TRIM8: variants seen among roughly 807,000 people sequenced by gnomAD.
TRIM8 encodes the protein tripartite motif containing 8.
In TRIM8, 9 loss-of-function variants were observed where a neutral mutation model predicts 55.7. The ratio of observed to expected loss-of-function variants is 0.16; its 90% CI spans 0.10 to 0.28. The LOEUF (loss-of-function observed/expected upper bound fraction) is 0.28. TRIM8 is among the 10% of genes least tolerant of loss of function. The probability of loss-of-function intolerance (pLI) is 1.00; values close to 1 mark genes in which losing one functional copy is unlikely to be tolerated. For missense variants in TRIM8, 556 were observed against 736.4 expected (o/e 0.76, Z 2.83); for synonymous variants, 335 against 333.3 (o/e 1.01, Z -0.06).
In TRIM8 at chr10:102,656,501, C is replaced by T. The variant is rs1260753165; in HGVS notation, c.1048+116C>T. On this transcript the variant is annotated intron_variant, in intron 5 of 5. Transcript: ENST00000643721. The surrounding 1 kb of genome is among the most constrained non-coding windows in gnomAD (Gnocchi z 4.6). ...AGTCTGGGAGACCTGTCCTCATATC[C>T]AGGCTTTGCCACTTGTAGCTGTGGG... The T allele has an allele frequency of 6.2e-6, 9 of 1,452,712 alleles. No homozygotes were observed. Among genetic ancestry groups the T allele is most frequent in the Non-Finnish European group, 8.3e-6 (9 of 1,087,674 alleles). 90.0% of individuals were successfully genotyped at this position (1,452,712 alleles called of 1,614,324 possible).
Position 102,656,535 on chromosome 10 carries a change from T to G in TRIM8, c.1048+150T>G, listed in dbSNP as rs2064026637. On this transcript the variant is annotated intron_variant, in intron 5 of 5. Coordinates refer to ENST00000643721, the MANE Select transcript of TRIM8 (RefSeq NM_030912.3). This position sits in a 1 kb window ranked among gnomAD's most constrained non-coding sequence, Gnocchi z 4.6. ...CCACTTGTAGCTGTGGGACAGTGGG[T>G]AAGCAACATGACCTCCCCAGCCTCC... 2 of 1,356,390 alleles carry G rather than the reference T, an allele frequency of 1.5e-6. No homozygotes were observed. Among genetic ancestry groups the G allele is most frequent in the Admixed American group, 2.6e-5 (1 of 38,634 alleles). The allele number at this position is 1,356,390 out of a possible 1,614,324, so 84.0% of individuals were successfully genotyped here.
intron 1 of TRIM8, chr10:102,654,302 T>G (rs759569033): frequency 5.5e-6 from 1 of 181,016 alleles, no homozygotes; most frequent in African/African-American, 2.4e-5. Context: ...CTGGGCGTTG[T>G]GGCGCACGCC....
chr10:102,655,082 G>A lies in TRIM8; in HGVS notation c.669G>A (p.Glu223=). The change falls in exon 3 of 6, where the codon GAG becomes GAA. Residue 223 remains glutamate, a splice_region_variant and synonymous_variant. Transcript: ENST00000643721. ...ACTCCTGCCCTCTGTACTCGCAGGA[G>A]AAAGTGAACCAACTGAAGGAGGAAG... The part of the protein sequence containing the change: ...KLESDKRLVE[E]KVNQLKEEVR... 6.2e-7 allele frequency: 1 copy of A among 1,612,886 alleles called. No individual in the cohort carries two copies. The highest frequency in any genetic ancestry group is 8.5e-7 in the Non-Finnish European group (1 of 1,179,686).
chr10:102,656,478 T>C lies in TRIM8; in HGVS notation c.1048+93T>C, dbSNP rs1020676954. 3.3e-6 allele frequency: 5 copies of C among 1,515,332 alleles called. No individual in the cohort carries two copies. The highest frequency in any genetic ancestry group is 4.4e-6 in the Non-Finnish European group (5 of 1,126,444). 93.9% of individuals were successfully genotyped at this position (1,515,332 alleles called of 1,614,324 possible). The stretch of plus-strand genomic sequence containing the variant: ...CCCTCCAAGAGGCAGTGTGGCCCAG[T>C]CTGGGAGACCTGTCCTCATATCCAG... On this transcript the variant is annotated intron_variant, in intron 5 of 5. Transcript: ENST00000643721. The surrounding 1 kb of genome is among the most constrained non-coding windows in gnomAD (Gnocchi z 4.6).
At position 102,655,960 on chromosome 10, in the gene TRIM8, C is replaced by T. The variant is rs924773516; in HGVS notation, c.901-146C>T. ...TAGCTCTTCTTCCGCAAATGGCCAC[C>T]CCTACCCCTGCCACTTTCTGTCCAG... On this transcript the variant is annotated intron_variant, in intron 3 of 5. Transcript: ENST00000643721. 39 of 1,185,560 alleles carry T rather than the reference C, an allele frequency of 3.3e-5. 1 individual carries two copies. In the African/African-American group the frequency reaches 4.8e-4, roughly 14 times the overall value. The allele number at this position is 1,185,560 out of a possible 1,614,324, so 73.4% of individuals were successfully genotyped here.
intron 1 of TRIM8, among the ~76,000 whole-genome samples, chr10:102,651,353 A>G (rs987375507): frequency 6.6e-6 from 1 of 152,156 alleles, no homozygotes; most frequent in Admixed American, 6.5e-5. Flanking sequence ...CCCCCCCAGG[A>G]CTGGACAGGA....
chr10:102,649,966 ACT>A (rs1458835130), intron 1 of TRIM8, among the ~76,000 whole-genome samples: 1 of 152,018 alleles, frequency 6.6e-6, no homozygotes, highest in Non-Finnish European at 1.5e-5. Context: ...TGGAGCCAGA[ACT>A]GGAGCTGGCC....
intron 1 of TRIM8, among the ~76,000 whole-genome samples, chr10:102,652,578 A>G (rs2063993974): frequency 6.6e-6 from 1 of 152,098 alleles, no homozygotes; most frequent in African/African-American, 2.4e-5. Context: ...CCTGCCTCTG[A>G]AGGAAGGTGG....
chr10:102,655,595 T>C (rs2064017581), intron 3 of TRIM8, among the ~76,000 whole-genome samples: 1 of 152,178 alleles, frequency 6.6e-6, no homozygotes, highest in Admixed American at 6.5e-5. Context: ...TAAACAAATT[T>C]TGGCATCTAA....
At chr10:102,652,091 C>T (rs2063990259) in intron 1 of TRIM8, among the ~76,000 whole-genome samples, 2 of 152,178 alleles carry the variant, frequency 1.3e-5, no homozygotes, top group African/African-American at 4.8e-5. Flanking sequence ...GCAAGGTCTC[C>T]CAGGCCTGAT....
chr10:102,645,228 G>C (rs1270524468), intron 1 of TRIM8, 41 bp downstream of exon 1: 15 of 1,429,814 alleles, frequency 1.0e-5, no homozygotes, highest in South Asian at 9.7e-5. Context: ...CACACACACA[G>C]ACACACAGTC....
rs2064039589 is a variant in TRIM8, at chr10:102,657,696, G to A, written c.*342G>A. ...CCCTTCACACCCCCGTGGCTGGAAG[G>A]AACCTCGGCTTCCCTGAAAGCTTGG... On this transcript the variant is annotated 3_prime_UTR_variant, in exon 6 of 6. Transcript: ENST00000643721. The A allele has an allele frequency of 1.5e-5, 3 of 203,564 alleles. No individual in the cohort carries two copies. The South Asian group carries it at 3.9e-4, about 26-fold the overall frequency. The allele number at this position is 203,564 out of a possible 1,614,324, so 12.6% of individuals were successfully genotyped here. A position where few individuals can be genotyped will look rare whatever the true frequency, so the allele number is the denominator to read the frequency against.
rs750788072 is a variant in TRIM8 at position 102,656,379 on chromosome 10, C to G, written c.1042C>G (p.Leu348Val). Residue 348 changes from leucine to valine, a missense_variant, in exon 5 of 6, where the codon CTA becomes GTA. This residue lies in a region of TRIM8 where 391 missense variants were observed against 441.0 expected (regional missense o/e 0.89). Transcript: ENST00000643721. This position sits in a 1 kb window ranked among gnomAD's most constrained non-coding sequence, Gnocchi z 4.6. ...AKKEKQLRKM[L>V]EGPFSTPVPF... is the part of the protein sequence containing the mutation. ...GAAGGAGAAGCAGCTGCGGAAAATG[C>G]TAGAAGGTGAGGGTGGGGTGTTCCG... 4 of 1,612,128 alleles carry G rather than the reference C, an allele frequency of 2.5e-6. No homozygotes were observed. Among genetic ancestry groups the G allele is most frequent in the Non-Finnish European group, 3.4e-6 (4 of 1,179,030 alleles).
intron 1 of TRIM8, among the ~76,000 whole-genome samples, chr10:102,650,729 A>G (rs1182736922): frequency 6.6e-6 from 1 of 151,918 alleles, no homozygotes; most frequent in Non-Finnish European, 1.5e-5. Flanking sequence ...GATCTCAGCT[A>G]TGGGTTTTTC....
chr10:102,650,262 A>C (rs1230380326), intron 1 of TRIM8, among the ~76,000 whole-genome samples: 1 of 152,220 alleles, frequency 6.6e-6, no homozygotes, highest in East Asian at 1.9e-4. Context: ...CTGGCCAGTC[A>C]GTCTCCAGAG....
Position 102,644,823 on chromosome 10 carries a change from T to G in TRIM8, c.206T>G (p.Leu69Arg). The G allele has an allele frequency of 6.2e-7, 1 of 1,613,068 alleles. No homozygotes were observed. The highest frequency in any genetic ancestry group is 8.5e-7 in the Non-Finnish European group (1 of 1,179,834). The part of the protein sequence containing the change: ...YNQKPGLEKN[L>R]KLTNIVEKFN... ...CAGAAGCCGGGCCTGGAGAAGAACC[T>G]GAAGCTCACCAACATCGTGGAGAAG... Residue 69 changes from leucine to arginine, a missense_variant, in exon 1 of 6, where the codon CTG becomes CGG. Transcript: ENST00000643721.
Position 102,657,158 on chromosome 10 carries a change from A to C in TRIM8, c.1460A>C (p.Tyr487Ser). 6.2e-7 allele frequency: 1 copy of C among 1,613,060 alleles called. No individual in the cohort carries two copies. The highest frequency in any genetic ancestry group is 8.5e-7 in the Non-Finnish European group (1 of 1,179,794). Residue 487 changes from tyrosine (Y) to serine (S), a missense_variant, in exon 6 of 6, where the codon TAC becomes TCC. Physicochemically the swap from Tyr to Ser is moderately radical, Grantham distance 144 (BLOSUM62 -2). This residue lies in a region of TRIM8 where 391 missense variants were observed against 441.0 expected (regional missense o/e 0.89). Coordinates refer to ENST00000643721, the MANE Select transcript of TRIM8 (RefSeq NM_030912.3). ...GCCAACCATGGCGGCCACCAGCCCTACCCCCGCTCCGGCCACTTTCCCTGG... is the reference window on the plus strand; with the variant it reads ...GCCAACCATGGCGGCCACCAGCCCTCCCCCCGCTCCGGCCACTTTCCCTGG... The part of the protein sequence containing the change: ...SVANHGGHQP[Y>S]PRSGHFPWTV...
Position 102,657,058 on chromosome 10 carries a change from C to G in TRIM8, c.1360C>G (p.Gln454Glu). The G allele has an allele frequency of 1.2e-6, 2 of 1,613,354 alleles. No individual in the cohort carries two copies. Among genetic ancestry groups the G allele is most frequent in the Non-Finnish European group, 1.7e-6 (2 of 1,179,992 alleles). Reference sequence around the variant, plus strand: ...GTATCCCAATGGCTCCGCCGCCCAGCAGCCCATGCTCCCCCAGTATGGCGG... The same window carrying G: ...GTATCCCAATGGCTCCGCCGCCCAGGAGCCCATGCTCCCCCAGTATGGCGG... ...SQYPNGSAAQ[Q>E]PMLPQYGGRK... The change falls in exon 6 of 6, where the codon CAG (glutamine) becomes GAG (glutamate). Residue 454 changes from glutamine (Q) to glutamate (E), a missense_variant. This residue lies in a region of TRIM8 where 391 missense variants were observed against 441.0 expected (regional missense o/e 0.89). Transcript: ENST00000643721.
Position 102,657,387 on chromosome 10 carries a change from T to G in TRIM8, c.*33T>G. 1 of 1,525,226 alleles carries G rather than the reference T, an allele frequency of 6.6e-7. No homozygotes were observed. The allele number at this position is 1,525,226 out of a possible 1,614,324, so 94.5% of individuals were successfully genotyped here. On this transcript the variant is annotated 3_prime_UTR_variant, in exon 6 of 6. Transcript: ENST00000643721. ...CAGGCGGCGGGGCGCTGGGGAATCT[T>G]CCTCCCCAGCCCCCGGGCTCGGGAG...
Sources: gnomAD v4.1 joint callset for allele counts (sites outside exome capture counted in the v4.1 genomes callset) on GRCh38, gnomAD v4.1.1 for gene constraint, gnomAD v4.1.1 regional missense constraint, Gnocchi (gnomAD v3.1) non-coding constraint, MANE v1.5 for transcripts, NCBI Gene and HGNC (gene_info 2026-07-23, HGNC 2026-07-21) for gene names.